Variants in ZNHIT3 observed in about 807,000 individuals in gnomAD.
ZNHIT3 encodes zinc finger HIT-type containing 3, also known as zinc finger HIT domain-containing protein 3.
Under a neutral mutation model 19.9 loss-of-function variants are expected in ZNHIT3, and 27 were observed. That is an observed-to-expected ratio of 1.36 (90% CI 1.00 to 1.87). ZNHIT3 has a LOEUF of 1.87. ZNHIT3 is among the 40% of genes most tolerant of loss of function. The probability of loss-of-function intolerance (pLI) is 0.00; values close to 1 mark genes in which losing one functional copy is unlikely to be tolerated. For synonymous variants in ZNHIT3, 81 were observed against 65.7 expected (o/e 1.23, Z -1.13); for missense variants, 215 against 185.6 (o/e 1.16, Z -0.92).
chr17:36,493,085 A>C, intron 3 of ZNHIT3, 186 bp downstream of exon 3: 1 of 626,464 alleles, frequency 1.6e-6, no homozygotes, highest in Non-Finnish European at 2.8e-6. Context: ...CAACAGCCTG[A>C]AAGCAGTATT....
rs368219198 is a variant in ZNHIT3, at chr17:36,493,913, T to C, written c.206-13T>C. 85 of 1,604,294 alleles carry C rather than the reference T, an allele frequency of 5.3e-5. No individual in the cohort carries two copies. The African/African-American group carries it at 1.0e-3, about 20-fold the overall frequency. ...TTTTAGCCATGAGCCATTGACTGTT[T>C]TGTATTCCTTAGATGATGATGACTC... On this transcript the variant is annotated splice_polypyrimidine_tract_variant and intron_variant, in intron 3 of 4. Coordinates refer to ENST00000617429, the MANE Select transcript of ZNHIT3 (RefSeq NM_004773.4).
chr17:36,492,283 GACC>G (rs1567715789), intron 2 of ZNHIT3: 1 of 154,326 alleles, frequency 6.5e-6, no homozygotes, highest in Non-Finnish European at 1.4e-5. Context: ...AAGTAGCTGA[GACC>G]ACATGTGTGT....
rs200810980 is a variant in ZNHIT3 at position 36,486,689 on chromosome 17, T to C, written c.-11T>C. 28 of 1,613,496 alleles carry C rather than the reference T, an allele frequency of 1.7e-5. No homozygotes were observed. Among genetic ancestry groups the C allele is most frequent in the African/African-American group, 2.7e-5 (2 of 74,840 alleles). Reference sequence around the variant, plus strand: ...GCGGCGGCGCAGTGAACAGTCTCCTTCCACAAAACCATGGCGTCGCTCAAA... The same window carrying C: ...GCGGCGGCGCAGTGAACAGTCTCCTCCCACAAAACCATGGCGTCGCTCAAA... On this transcript the variant is annotated 5_prime_UTR_variant, in exon 1 of 5. Transcript: ENST00000617429.
intron 3 of ZNHIT3, 40 bp downstream of exon 3, chr17:36,492,939 A>G: frequency 6.3e-7 from 1 of 1,580,430 alleles, no homozygotes; most frequent in Non-Finnish European, 8.7e-7. Context: ...AAGGGACTTC[A>G]CATAGAATAA....
chr17:36,490,327 T>C (rs915823278), intron 2 of ZNHIT3: 1 of 152,204 alleles, frequency 6.6e-6, no homozygotes, highest in African/African-American at 2.4e-5. Flanking sequence ...TCCAGTACCA[T>C]TTATTGAAGA....
intron 4 of ZNHIT3, among the ~76,000 whole-genome samples, chr17:36,494,387 C>T (rs2070820022): frequency 6.6e-6 from 1 of 152,224 alleles, no homozygotes; most frequent in African/African-American, 2.4e-5. Context: ...TTGTCTCTCA[C>T]ATACCGATTT....
At chr17:36,487,520 G>C (rs1052909769) in intron 2 of ZNHIT3, among the ~76,000 whole-genome samples, 2 of 152,242 alleles carry the variant, frequency 1.3e-5, no homozygotes, top group African/African-American at 4.8e-5. Context: ...CTGGCCGGGC[G>C]CGGTGGCTCA....
At chr17:36,495,058 C>T (rs1476310014) in intron 4 of ZNHIT3, among the ~76,000 whole-genome samples, 165 bp from the exon 5 acceptor site, 1 of 152,122 alleles carries the variant, frequency 6.6e-6, no homozygotes, top group Non-Finnish European at 1.5e-5. Flanking sequence ...CTCCTGAGCT[C>T]AAGCAATCTG....
At chr17:36,490,677 A>G (rs1031417612) in intron 2 of ZNHIT3, 1 of 152,136 alleles carries the variant, frequency 6.6e-6, no homozygotes, top group Non-Finnish European at 1.5e-5. Flanking sequence ...TTTGGGTAGT[A>G]TGGTCATTTT....
intron 3 of ZNHIT3, 78 bp downstream of exon 3, chr17:36,492,977 G>A (rs2070762692): frequency 7.4e-7 from 1 of 1,349,356 alleles, no homozygotes; most frequent in Non-Finnish European, 1.1e-6. Flanking sequence ...GAGTGGGGCT[G>A]GTCAGGGAAT....
chr17:36,493,597 C>T (rs987991475), intron 3 of ZNHIT3, among the ~76,000 whole-genome samples: 1 of 152,194 alleles, frequency 6.6e-6, no homozygotes, highest in Non-Finnish European at 1.5e-5. Flanking sequence ...AGGGTTGGAG[C>T]CATGTTGAGG....
At chr17:36,496,384 C>A (rs1447228294), downstream of ZNHIT3, 1 of 1,613,982 alleles carries the variant, frequency 6.2e-7, no homozygotes, top group East Asian at 2.2e-5. Flanking sequence ...TGGAGACTTT[C>A]TGCAGTGAAA....
chr17:36,495,879 C>T (rs970916797), downstream of ZNHIT3: 17 of 1,237,042 alleles, frequency 1.4e-5, no homozygotes, highest in East Asian at 9.4e-5. Context: ...CAAATTCCAG[C>T]GCCAATTTTA....
rs143086637 is a variant in ZNHIT3, at chr17:36,486,794, G to C, written c.86+9G>C. ...GCCTGCCGCGTGCCCTAGTGAGCGG[G>C]GAGGTCGCGGGGTCCAGGGGCGCGG... is the stretch of plus-strand genomic sequence containing the variant. On this transcript the variant is annotated intron_variant, in intron 1 of 4. Transcript: ENST00000617429. The C allele has an allele frequency of 3.1e-6, 5 of 1,612,592 alleles. No homozygotes were observed. In the East Asian group the frequency reaches 9.0e-5, roughly 29 times the overall value.
downstream of ZNHIT3, chr17:36,498,348 A>T: frequency 6.2e-7 from 1 of 1,613,996 alleles, no homozygotes; most frequent in Non-Finnish European, 8.5e-7. Context: ...GCCCCTGGGG[A>T]GCTGGAGGCA....
Position 36,494,104 on chromosome 17 carries a change from G to C in ZNHIT3, c.286+98G>C, listed in dbSNP as rs1289720567. 4 of 865,994 alleles carry C rather than the reference G, an allele frequency of 4.6e-6. No homozygotes were observed. In the African/African-American group the frequency reaches 5.0e-5, roughly 11 times the overall value. 53.6% of individuals were successfully genotyped at this position (865,994 alleles called of 1,614,324 possible). On this transcript the variant is annotated intron_variant, in intron 4 of 4. Transcript: ENST00000617429. Reference sequence around the variant, plus strand: ...GTTTTTAATTTCTTGAATAAGTATGGCATGTAGGGCTCTTACTATCTAGCC... The same window carrying C: ...GTTTTTAATTTCTTGAATAAGTATGCCATGTAGGGCTCTTACTATCTAGCC...
At chr17:36,498,060 GAT>G (rs2071164647), downstream of ZNHIT3, 1 of 558,562 alleles carries the variant, frequency 1.8e-6, no homozygotes. Context: ...TTTTTAAAAA[GAT>G]AAAGGGCTCT....
downstream of ZNHIT3, chr17:36,498,932 A>G: frequency 4.6e-6 from 3 of 657,844 alleles, no homozygotes; most frequent in South Asian, 3.5e-5. Flanking sequence ...CACTGCATAC[A>G]TGAGGAATAT....
chr17:36,490,462 T>C (rs1218881009), intron 2 of ZNHIT3: 1 of 152,256 alleles, frequency 6.6e-6, no homozygotes, highest in East Asian at 1.9e-4. Context: ...TTTATGCTAG[T>C]ACCATGCTGT....
Sources: allele counts gnomAD v4.1 joint callset (sites outside exome capture counted in the v4.1 genomes callset), GRCh38; gene constraint gnomAD v4.1.1; transcripts MANE v1.5; gene names NCBI Gene and HGNC (gene_info 2026-07-23, HGNC 2026-07-21).